The following SCARA5 variants were observed in gnomAD, a reference collection of about 807,000 sequenced individuals.
SCARA5 encodes scavenger receptor class A, member 5 (putative).
A neutral mutation model predicts 46.3 loss-of-function variants in SCARA5; 45 were observed. The observed-to-expected ratio is 0.97, with a 90% CI of 0.76 to 1.24. The LOEUF (loss-of-function observed/expected upper bound fraction) is 1.24. SCARA5 is among the 50% of genes most tolerant of loss of function. The pLI, the probability that SCARA5 is intolerant of heterozygous loss-of-function variation, is 0.00. For synonymous variants in SCARA5, 333 were observed against 306.5 expected, an observed-to-expected ratio of 1.09 and a Z score of -0.90; for missense variants, 680 against 689.0, an observed-to-expected ratio of 0.99 and a Z score of 0.15.
At chr8:27,895,275 A>C (rs1226749168) in intron 7 of SCARA5, among the ~76,000 whole-genome samples, 3 of 152,184 alleles carry the variant, frequency 2.0e-5, no homozygotes, top group Non-Finnish European at 2.9e-5. Flanking sequence ...TTGTAAAGAA[A>C]GAACTCCCCG....
intron 2 of SCARA5, among the ~76,000 whole-genome samples, chr8:27,970,819 C>T (rs969645398): frequency 6.6e-6 from 1 of 152,134 alleles, no homozygotes; most frequent in African/African-American, 2.4e-5. Context: ...CTGGAGTCCT[C>T]CCAGATTATA....
At chr8:27,924,410 T>G (rs1807648928) in intron 3 of SCARA5, among the ~76,000 whole-genome samples, 1 of 152,246 alleles carries the variant, frequency 6.6e-6, no homozygotes, top group African/African-American at 2.4e-5. Context: ...CTTTCAGTGA[T>G]GCTTCTGGAA....
chr8:27,920,320 T>A (rs963502941), intron 4 of SCARA5, among the ~76,000 whole-genome samples: 10 of 151,858 alleles, frequency 6.6e-5, no homozygotes, highest in Non-Finnish European at 1.2e-4. Context: ...CAGTAATAAT[T>A]TTTAAAAACT....
rs140879077 is a variant in SCARA5 at position 27,930,003 on chromosome 8, C to T, written c.242-7758G>A. 1.1e-3 allele frequency among the ~76,000 whole-genome samples: 163 copies of T among 152,274 alleles called. 1 individual carries two copies. The highest frequency in any genetic ancestry group is 3.7e-3 in the African/African-American group (155 of 41,562). On this transcript the variant is annotated intron_variant, in intron 3 of 8. Coordinates refer to ENST00000354914, the MANE Select transcript of SCARA5 (RefSeq NM_173833.6). ...CTTTCTAGGAAGCAATGGCAGAGTG[C>T]AAATTGCCAAATGCCCTACAATCCC...
chr8:27,901,329 G>A (rs908825410), intron 7 of SCARA5, among the ~76,000 whole-genome samples: 4 of 152,232 alleles, frequency 2.6e-5, no homozygotes, highest in East Asian at 1.9e-4. Flanking sequence ...GAAAGGCCTC[G>A]GGGTTAGCAG....
At chr8:27,948,988 G>A (rs556634150) in intron 3 of SCARA5, among the ~76,000 whole-genome samples, 6 of 152,374 alleles carry the variant, frequency 3.9e-5, no homozygotes, top group South Asian at 2.1e-4. Context: ...AAGCACAAGC[G>A]GGTGGAGCCC....
intron 4 of SCARA5, among the ~76,000 whole-genome samples, chr8:27,911,692 CA>C (rs72278994): frequency 0.56 from 84,375 of 150,484 alleles, 24,137 homozygotes; most frequent in Non-Finnish European, 0.63. Context: ...ACTCTGTCTC[CA>C]AAAAAAAAGA....
intron 3 of SCARA5, among the ~76,000 whole-genome samples, chr8:27,945,085 A>G (rs1406396651): frequency 6.6e-6 from 1 of 151,944 alleles, no homozygotes; most frequent in African/African-American, 2.4e-5. Context: ...GGATCATCTG[A>G]GTTCAGGAAG....
At chr8:27,904,930 GAAACCCTCA>G (rs1807227110) in intron 6 of SCARA5, 96 bp from the exon 7 acceptor site, 1 of 1,126,942 alleles carries the variant, frequency 8.9e-7, no homozygotes, top group African/African-American at 1.5e-5. Flanking sequence ...CGAGACCAGA[GAAACCCTCA>G]GGCAGGAGCC....
intron 7 of SCARA5, among the ~76,000 whole-genome samples, chr8:27,884,925 T>C (rs986186869): frequency 3.9e-4 from 59 of 152,046 alleles, no homozygotes; most frequent in African/African-American, 1.4e-3. Flanking sequence ...GCAGGCACTA[T>C]TGTGGGCAAG....
rs761464299 is a variant in SCARA5 at position 27,921,739 on chromosome 8, C to T, written c.748G>A (p.Val250Met). The change falls in exon 4 of 9, where the codon GTG (valine) becomes ATG (methionine). Residue 250 changes from valine to methionine, a missense_variant. Val to Met is a conservative substitution (Grantham distance 21). Coordinates refer to ENST00000354914, the MANE Select transcript of SCARA5 (RefSeq NM_173833.6). Reference protein sequence around the residue: ...LHRTRLQDLRVLVSNASEDTR... With the variant: ...LHRTRLQDLRMLVSNASEDTR... ...TCCTCGCTGGCGTTGCTCACCAGCA[C>T]CCGCAGGTCCTGCAGCCGCGTGCGG... 6.3e-6 allele frequency: 10 copies of T among 1,588,684 alleles called. No individual in the cohort carries two copies. In the Admixed American group the frequency reaches 1.8e-4, roughly 28 times the overall value.
At chr8:27,960,251 A>G (rs1721686391) in intron 3 of SCARA5, among the ~76,000 whole-genome samples, 1 of 151,532 alleles carries the variant, frequency 6.6e-6, no homozygotes, top group Non-Finnish European at 1.5e-5. Context: ...ATCATGGCTC[A>G]CTACGACCTT....
chr8:27,973,875 G>A (rs1808482821), intron 2 of SCARA5, among the ~76,000 whole-genome samples: 1 of 152,164 alleles, frequency 6.6e-6, no homozygotes, highest in Non-Finnish European at 1.5e-5. Context: ...ATCGAAAATG[G>A]GGTTGTATCA....
chr8:27,897,841 A>T (rs976087376), intron 7 of SCARA5, among the ~76,000 whole-genome samples: 4 of 152,184 alleles, frequency 2.6e-5, no homozygotes, highest in Non-Finnish European at 5.9e-5. Flanking sequence ...TGCCTTGTTT[A>T]TTTTCTTCCA....
At chr8:27,909,832 G>T in intron 4 of SCARA5, 89 bp from the exon 5 acceptor site, 1 of 815,930 alleles carries the variant, frequency 1.2e-6, no homozygotes. Context: ...CGCCCTCTCT[G>T]AGGAGAGGAA....
At chr8:27,964,741 C>T (rs1039417783) in intron 3 of SCARA5, among the ~76,000 whole-genome samples, 1 of 152,116 alleles carries the variant, frequency 6.6e-6, no homozygotes, top group African/African-American at 2.4e-5. Context: ...CTTCTCTTCC[C>T]CAAGAGACGA....
At chr8:27,991,951 C>T (rs1808793387) in intron 1 of SCARA5, among the ~76,000 whole-genome samples, 2 of 152,304 alleles carry the variant, frequency 1.3e-5, no homozygotes, top group East Asian at 1.9e-4. Flanking sequence ...GAGCCATCTG[C>T]ACCCTGAGTA....
intron 7 of SCARA5, among the ~76,000 whole-genome samples, chr8:27,897,614 G>A (rs1424840100): frequency 6.6e-6 from 1 of 152,246 alleles, no homozygotes; most frequent in African/African-American, 2.4e-5. Flanking sequence ...GTCCCTGGTG[G>A]GGAGGGAAGG....
chr8:27,904,384 C>T (rs1585476633), intron 7 of SCARA5: 3 of 343,338 alleles, frequency 8.7e-6, no homozygotes, highest in Non-Finnish European at 1.6e-5. Context: ...ACCAGGTGTC[C>T]AGCATGATCA....
Sources: allele counts gnomAD v4.1 joint callset (sites outside exome capture counted in the v4.1 genomes callset), GRCh38; gene constraint gnomAD v4.1.1; transcripts MANE v1.5; gene names NCBI Gene and HGNC (gene_info 2026-07-23, HGNC 2026-07-21).